The following IGSF6 variants were observed in gnomAD, a reference collection of about 807,000 sequenced individuals.
IGSF6 encodes down-regulated by activation (immunoglobulin superfamily).
In IGSF6, 23 loss-of-function variants were observed where a neutral mutation model predicts 24.7. That is an observed-to-expected ratio of 0.93 (90% CI 0.67 to 1.32). The LOEUF (loss-of-function observed/expected upper bound fraction) is 1.32. Among genes scored for constraint, IGSF6 ranks in the 40% most tolerant of loss-of-function variants. The probability of loss-of-function intolerance (pLI) is 0.00; values close to 1 mark genes in which losing one functional copy is unlikely to be tolerated. For missense variants in IGSF6, 295 were observed against 293.6 expected, an observed-to-expected ratio of 1.00 and a Z score of -0.04; for synonymous variants, 110 against 113.7, an observed-to-expected ratio of 0.97 and a Z score of 0.21.
intron 1 of IGSF6, chr16:21,652,317 G>A: frequency 2.2e-6 from 1 of 450,688 alleles, no homozygotes. Context: ...TAGCATAATA[G>A]CAAAGAGACT....
Position 21,641,585 on chromosome 16 carries a change from A to G in IGSF6, c.675T>C (p.Asp225=), listed in dbSNP as rs143990839. 1.1e-4 allele frequency: 181 copies of G among 1,574,446 alleles called. No homozygotes were observed. The highest frequency in any genetic ancestry group is 5.0e-4 in the Middle Eastern group (3 of 6,010). The change falls in exon 6 of 6, where the codon GAT becomes GAC. Residue 225 remains aspartate, a synonymous_variant. Coordinates refer to ENST00000268389, the MANE Select transcript of IGSF6 (RefSeq NM_005849.4). The stretch of plus-strand genomic sequence containing the variant: ...CTCTTCTGTTTTCATAAGTGTTGTT[A>G]TCTTTCTCCTGCAATAATAAATAAA... ...HVETNQQSEK[D]NNTYENRRVL... is the part of the protein sequence containing the mutation.
chr16:21,643,497 C>T (rs560543533), intron 4 of IGSF6, 51 bp downstream of exon 4: 17 of 1,183,756 alleles, frequency 1.4e-5, no homozygotes, highest in South Asian at 2.7e-5. Context: ...GTTTTGAAAT[C>T]GTTACAACCA....
rs764539827 is a variant in IGSF6 at position 21,641,606 on chromosome 16, A to G, written c.667-13T>C. 1 of 1,526,084 alleles carries G rather than the reference A, an allele frequency of 6.6e-7. No homozygotes were observed. Among genetic ancestry groups the G allele is most frequent in the South Asian group, 1.1e-5 (1 of 87,772 alleles). 94.5% of individuals were successfully genotyped at this position (1,526,084 alleles called of 1,614,324 possible). ...TGTTATCTTTCTCCTGCAATAATAA[A>G]TAAATAGAAAGCCATGTTTAAGGTT... On this transcript the variant is annotated splice_polypyrimidine_tract_variant and intron_variant, in intron 5 of 5. Coordinates refer to ENST00000268389, the MANE Select transcript of IGSF6 (RefSeq NM_005849.4).
intron 1 of IGSF6, among the ~76,000 whole-genome samples, chr16:21,650,989 C>T (rs915039455): frequency 1.3e-5 from 2 of 152,130 alleles, no homozygotes; most frequent in South Asian, 2.1e-4. Flanking sequence ...TATGGGAGGC[C>T]GAGGCGGGCG....
intron 1 of IGSF6, among the ~76,000 whole-genome samples, chr16:21,648,844 A>C (rs1015347374): frequency 9.2e-5 from 14 of 152,214 alleles, no homozygotes; most frequent in Non-Finnish European, 1.8e-4. Context: ...AAAGTCATCC[A>C]AGTGGTCTGA....
At chr16:21,651,406 T>C (rs1966572457) in intron 1 of IGSF6, among the ~76,000 whole-genome samples, 1 of 151,840 alleles carries the variant, frequency 6.6e-6, no homozygotes, top group Admixed American at 6.6e-5. Flanking sequence ...GTGATCCTCC[T>C]GCCTCAGCCT....
At chr16:21,649,782 T>C (rs779707155) in intron 1 of IGSF6, among the ~76,000 whole-genome samples, 1 of 152,188 alleles carries the variant, frequency 6.6e-6, no homozygotes, top group Non-Finnish European at 1.5e-5. Context: ...TTGGCTAACT[T>C]ACTGTAGCCT....
intron 1 of IGSF6, among the ~76,000 whole-genome samples, chr16:21,650,652 C>G (rs566568916): frequency 3.2e-4 from 49 of 152,098 alleles, no homozygotes; most frequent in Admixed American, 8.5e-4. Flanking sequence ...CACCTTCTTC[C>G]CAATTAGGCT....
Position 21,647,491 on chromosome 16 carries a change from A to C in IGSF6, c.69T>G (p.Gly23=), listed in dbSNP as rs1966462620. The change falls in exon 2 of 6, where the codon GGT becomes GGG. Residue 23 remains glycine, a splice_region_variant and synonymous_variant. Coordinates refer to ENST00000268389, the MANE Select transcript of IGSF6 (RefSeq NM_005849.4). ...CAGAGAGAGTACAGGCGCCCACAGC[A>C]CCTGTGGGAGGAAGCAGATGAGTGG... ...LQTNLILFCV[G]AVGACTLSVT... 1 of 1,606,142 alleles carries C rather than the reference A, an allele frequency of 6.2e-7. No individual in the cohort carries two copies. The highest frequency in any genetic ancestry group is 1.1e-5 in the South Asian group (1 of 90,916).
intron 1 of IGSF6, among the ~76,000 whole-genome samples, chr16:21,651,456 C>T (rs1436063307): frequency 6.6e-6 from 1 of 151,964 alleles, no homozygotes; most frequent in East Asian, 1.9e-4. Context: ...CAGGTGCCAT[C>T]ACGCCCAGCT....
intron 1 of IGSF6, among the ~76,000 whole-genome samples, chr16:21,651,266 T>A (rs1966567981): frequency 6.6e-6 from 1 of 151,666 alleles, no homozygotes. Context: ...GAGAACTAAT[T>A]CTTGACATTT....
chr16:21,646,709 C>T (rs938365625), intron 2 of IGSF6: 8 of 283,864 alleles, frequency 2.8e-5, no homozygotes, highest in Admixed American at 9.5e-5. Context: ...GACTGGAGTG[C>T]AGTAGTGCGA....
At chr16:21,643,202 G>A (rs769069504) in intron 4 of IGSF6, 48 bp from the exon 5 acceptor site, 13 of 1,389,702 alleles carry the variant, frequency 9.4e-6, no homozygotes, top group East Asian at 6.8e-5. Flanking sequence ...GAATATAAGC[G>A]ATGATAACGA....
chr16:21,643,643 A>T (rs372921992), intron 3 of IGSF6, 45 bp from the exon 4 acceptor site: 1 of 1,317,770 alleles, frequency 7.6e-7, no homozygotes, highest in African/African-American at 1.5e-5. Context: ...TTATGTACTC[A>T]TAACAATGGT....
rs774443519 is a variant in IGSF6, at chr16:21,644,340, G to C, written c.484C>G (p.Leu162Val). ...RSFLTALVSL[L>V]SVYVTGVCVA... ...CACACACCGGTCACATAGACAGAGA[G>C]CAGTGATACAAGAGCTGTCAGGAAG... Residue 162 changes from leucine to valine, a missense_variant, in exon 3 of 6, where the codon CTC becomes GTC. Leu to Val is a conservative substitution (Grantham distance 32, BLOSUM62 1). Transcript: ENST00000268389. 31 of 1,613,902 alleles carry C rather than the reference G, an allele frequency of 1.9e-5. No individual in the cohort carries two copies. The highest frequency in any genetic ancestry group is 2.6e-5 in the Non-Finnish European group (31 of 1,179,908).
chr16:21,644,678 A>G (rs558246894), intron 2 of IGSF6, among the ~76,000 whole-genome samples: 2 of 152,350 alleles, frequency 1.3e-5, no homozygotes, highest in East Asian at 1.9e-4. Context: ...CTTTTTAGAT[A>G]AAGGATTATT....
chr16:21,642,984 A>C, intron 5 of IGSF6, 90 bp downstream of exon 5: 1 of 789,124 alleles, frequency 1.3e-6, no homozygotes, highest in Non-Finnish European at 2.1e-6. Context: ...CTGAAGGAAA[A>C]CATGGTTCTT....
chr16:21,647,509 A>G lies in IGSF6; in HGVS notation c.68-17T>C, dbSNP rs757530396. 2 of 1,597,628 alleles carry G rather than the reference A, an allele frequency of 1.3e-6. No individual in the cohort carries two copies. The highest frequency in any genetic ancestry group is 1.7e-6 in the Non-Finnish European group (2 of 1,168,480). Reference sequence around the variant, plus strand: ...CCACAGCACCTGTGGGAGGAAGCAGATGAGTGGGTTAATGGGCCTGCCACC... The same window carrying G: ...CCACAGCACCTGTGGGAGGAAGCAGGTGAGTGGGTTAATGGGCCTGCCACC... On this transcript the variant is annotated splice_polypyrimidine_tract_variant and intron_variant, in intron 1 of 5. Coordinates refer to ENST00000268389, the MANE Select transcript of IGSF6 (RefSeq NM_005849.4).
chr16:21,645,471 G>GAAAT (rs1357364235), intron 2 of IGSF6, among the ~76,000 whole-genome samples: 3 of 151,974 alleles, frequency 2.0e-5, no homozygotes, highest in Non-Finnish European at 2.9e-5. Context: ...AAAAAAGAAA[G>GAAAT]AAAAATCCCA....
Sources: allele counts gnomAD v4.1 joint callset (sites outside exome capture counted in the v4.1 genomes callset), GRCh38; gene constraint gnomAD v4.1.1; transcripts MANE v1.5; gene names NCBI Gene and HGNC (gene_info 2026-07-23, HGNC 2026-07-21).